IMPG1: variants seen among roughly 807,000 people sequenced by gnomAD.
The protein encoded by IMPG1 is interphotoreceptor matrix proteoglycan 1.
IMPG1 carries 85 observed loss-of-function variants against 92.0 expected under a neutral mutation model. The ratio of observed to expected loss-of-function variants is 0.92; its 90% CI spans 0.78 to 1.11. The LOEUF is 1.11. Among genes scored for constraint, IMPG1 ranks in the 50% least tolerant of loss-of-function variants. IMPG1 has a pLI of 0.00. For missense variants in IMPG1, 1,022 were observed against 956.0 expected (o/e 1.07, Z -0.91); for synonymous variants, 367 against 334.1 (o/e 1.10, Z -1.08).
intron 14 of IMPG1, among the ~76,000 whole-genome samples, chr6:75,937,264 C>CA (rs1781762134): frequency 7.0e-6 from 1 of 143,702 alleles, no homozygotes; most frequent in Non-Finnish European, 1.5e-5. Context: ...AGAGTAAACA[C>CA]TTTTTTTTTT....
At chr6:75,987,446 C>T (rs1451480544) in intron 12 of IMPG1, among the ~76,000 whole-genome samples, 1 of 149,476 alleles carries the variant, frequency 6.7e-6, no homozygotes, top group Non-Finnish European at 1.5e-5. Flanking sequence ...TAATGCTGTC[C>T]CTCCCCCTCC....
chr6:76,039,750 C>T (rs113977086), intron 2 of IMPG1, among the ~76,000 whole-genome samples: 1,673 of 152,270 alleles, frequency 0.011, 37 homozygotes, highest in African/African-American at 0.038. Context: ...AGGGAGGCAT[C>T]TGTATAGCAG....
chr6:76,022,311 T>C (rs1783446804), intron 5 of IMPG1, 92 bp from the exon 6 acceptor site: 1 of 614,200 alleles, frequency 1.6e-6, no homozygotes, highest in East Asian at 3.7e-5. Context: ...TTTTCTGTCA[T>C]TCTGGAATTT....
intron 13 of IMPG1, among the ~76,000 whole-genome samples, chr6:75,950,255 G>A (rs1782000528): frequency 6.6e-6 from 1 of 152,150 alleles, no homozygotes; most frequent in Non-Finnish European, 1.5e-5. Flanking sequence ...CATGTTCAGT[G>A]CTTGAGTGTT....
At chr6:75,994,801 A>T (rs1782869856) in intron 12 of IMPG1, among the ~76,000 whole-genome samples, 1 of 152,190 alleles carries the variant, frequency 6.6e-6, no homozygotes, top group African/African-American at 2.4e-5. Context: ...CATATAAACC[A>T]TATTAGATAC....
chr6:76,033,547 G>A (rs564221215), intron 4 of IMPG1, among the ~76,000 whole-genome samples: 5 of 152,332 alleles, frequency 3.3e-5, no homozygotes, highest in Admixed American at 6.5e-5. Context: ...CTGTCAGGGA[G>A]ATCAGATTAG....
At chr6:76,042,169 T>C (rs1236142103) in intron 1 of IMPG1, 43 bp from the exon 2 acceptor site, 5 of 962,862 alleles carry the variant, frequency 5.2e-6, no homozygotes, top group Non-Finnish European at 8.4e-6. Flanking sequence ...TATACATTTA[T>C]GTGTTATATG....
At chr6:76,072,305 G>T in intron 1 of IMPG1, 117 bp downstream of exon 1, 1 of 531,628 alleles carries the variant, frequency 1.9e-6, no homozygotes, top group Non-Finnish European at 3.3e-6. Flanking sequence ...ATTTATTCAA[G>T]GCCTACTATA....
intron 12 of IMPG1, among the ~76,000 whole-genome samples, chr6:75,960,755 T>C (rs575943995): frequency 6.6e-6 from 1 of 152,318 alleles, no homozygotes; most frequent in Admixed American, 6.5e-5. Flanking sequence ...CAACATTGTA[T>C]TTTTGCACTA....
At chr6:76,025,464 G>T (rs1299010978) in intron 4 of IMPG1, among the ~76,000 whole-genome samples, 1 of 152,094 alleles carries the variant, frequency 6.6e-6, no homozygotes, top group Non-Finnish European at 1.5e-5. Flanking sequence ...TCTCCAAAAT[G>T]GTTATGTTTG....
intron 13 of IMPG1, among the ~76,000 whole-genome samples, chr6:75,950,253 G>C (rs1782000489): frequency 1.3e-5 from 2 of 152,144 alleles, no homozygotes; most frequent in Admixed American, 1.3e-4. Context: ...TCCATGTTCA[G>C]TGCTTGAGTG....
At chr6:75,971,028 T>C (rs1782404919) in intron 12 of IMPG1, among the ~76,000 whole-genome samples, 1 of 152,082 alleles carries the variant, frequency 6.6e-6, no homozygotes, top group African/African-American at 2.4e-5. Context: ...TGTATGTTTA[T>C]TGCGGCACTA....
rs1554226551 is a variant in IMPG1, at chr6:75,924,703, T to TG, written c.2244-998_2244-997insC. 3.5e-3 allele frequency among the ~76,000 whole-genome samples: 15 copies of TG among 4,338 alleles called. 3 individuals carry two copies. Among genetic ancestry groups the TG allele is most frequent in the Admixed American group, 5.2e-3 (1 of 194 alleles). The allele number at this position is 4,338 out of a possible 152,430, so 2.8% of individuals were successfully genotyped here. A position where few individuals can be genotyped will look rare whatever the true frequency, so the allele number is the denominator to read the frequency against. ...TATATATTATATATAAATAATTATATATAATATATAATATATAATATAATT... is the reference window on the plus strand; with the variant it reads ...TATATATTATATATAAATAATTATATGATAATATATAATATATAATATAATT... On this transcript the variant is annotated intron_variant, in intron 15 of 16. Transcript: ENST00000369950.
In IMPG1 at chr6:76,021,778, C is replaced by CATATATATATATATATATATAT. The variant is rs140827081; in HGVS notation, c.666+316_666+337dup. Among the ~76,000 whole-genome samples, 142 of 49,450 alleles carry CATATATATATATATATATATAT rather than the reference C, an allele frequency of 2.9e-3. 8 individuals are homozygous for CATATATATATATATATATATAT. Among genetic ancestry groups the CATATATATATATATATATATAT allele is most frequent in the East Asian group, 4.0e-3 (5 of 1,240 alleles). The allele number at this position is 49,450 out of a possible 152,430, so 32.4% of individuals were successfully genotyped here. A position where few individuals can be genotyped will look rare whatever the true frequency, so the allele number is the denominator to read the frequency against. ...TTCATTCATTCTAACACTTGGAGAGCATATATATATATATATATATATATG... is the reference window on the plus strand; with the variant it reads ...TTCATTCATTCTAACACTTGGAGAGCATATATATATATATATATATATATATATATATATATATATATATATG... On this transcript the variant is annotated intron_variant, in intron 6 of 16. Transcript: ENST00000369950.
At chr6:75,994,932 C>T (rs1253933576) in intron 12 of IMPG1, among the ~76,000 whole-genome samples, 1 of 152,190 alleles carries the variant, frequency 6.6e-6, no homozygotes, top group Admixed American at 6.5e-5. Flanking sequence ...TGCTCACTAA[C>T]CACTGACTAA....
chr6:75,961,893 G>A (rs1044060204), intron 12 of IMPG1, among the ~76,000 whole-genome samples: 5 of 152,044 alleles, frequency 3.3e-5, no homozygotes, highest in Admixed American at 6.5e-5. Context: ...CTTAGCGTGT[G>A]TTTACCTAAA....
intron 1 of IMPG1, among the ~76,000 whole-genome samples, chr6:76,054,778 G>T (rs559847080): frequency 6.6e-6 from 1 of 152,160 alleles, no homozygotes; most frequent in Non-Finnish European, 1.5e-5. Flanking sequence ...ATTGGCTCTT[G>T]TTAGTACAAG....
At chr6:76,072,006 G>A (rs1161959158) in intron 1 of IMPG1, among the ~76,000 whole-genome samples, 1 of 151,938 alleles carries the variant, frequency 6.6e-6, no homozygotes. Context: ...ATTGTGAGAA[G>A]GTAAGAAATA....
At chr6:76,003,124 A>G (rs751062564) in intron 11 of IMPG1, 128 bp from the exon 12 acceptor site, 8 of 676,040 alleles carry the variant, frequency 1.2e-5, no homozygotes, top group African/African-American at 1.8e-5. Flanking sequence ...ACTTGAATCT[A>G]CTATGGAGGA....
Sources: gnomAD v4.1 joint callset for allele counts (sites outside exome capture counted in the v4.1 genomes callset) on GRCh38, gnomAD v4.1.1 for gene constraint, MANE v1.5 for transcripts, NCBI Gene and HGNC (gene_info 2026-07-23, HGNC 2026-07-21) for gene names.